Variants in MESD observed in about 807,000 individuals in gnomAD.
The protein encoded by MESD is mesoderm development LRP chaperone, also known as LRP chaperone MESD.
In MESD, 7 loss-of-function variants were observed where a neutral mutation model predicts 12.9. The ratio of observed to expected loss-of-function variants is 0.54; its 90% confidence interval spans 0.31 to 1.02. The LOEUF (loss-of-function observed/expected upper bound fraction) is 1.02, where lower values mean the gene tolerates loss of function less well. Ranked by LOEUF, MESD falls within the 50% of genes least tolerant of loss-of-function variation. The pLI is 0.05. For synonymous variants in MESD, 126 were observed against 115.6 expected, an observed-to-expected ratio of 1.09 and a Z score of -0.58; for missense variants, 342 against 296.7, an observed-to-expected ratio of 1.15 and a Z score of -1.12.
At chr15:80,962,410 C>T (rs1358188701) in intron 3 of MESD, among the ~76,000 whole-genome samples, 1 of 152,200 alleles carries the variant, frequency 6.6e-6, no homozygotes, top group Non-Finnish European at 1.5e-5. Flanking sequence ...TAACACGCCA[C>T]TGTCAATATT....
At chr15:80,980,545 CAA>C (rs1231113732) in intron 2 of MESD, among the ~76,000 whole-genome samples, 1 of 152,088 alleles carries the variant, frequency 6.6e-6, no homozygotes, top group African/African-American at 2.4e-5. Context: ...CTTTGTCCCT[CAA>C]AGAGTCTAAA....
At chr15:80,985,081 ATAACACACT>A (rs1902693148) in intron 1 of MESD, among the ~76,000 whole-genome samples, 1 of 152,216 alleles carries the variant, frequency 6.6e-6, no homozygotes, top group South Asian at 2.1e-4. Flanking sequence ...ATGACCACAC[ATAACACACT>A]AACCTTCTTT....
intron 4 of MESD, chr15:80,951,690 A>AG (rs1901837258): frequency 6.6e-6 from 1 of 152,580 alleles, no homozygotes. Context: ...ATTGCTTGGA[A>AG]GGGGTGTACC....
intron 4 of MESD, chr15:80,951,018 T>C (rs1035128696): frequency 2.6e-5 from 4 of 152,650 alleles, no homozygotes; most frequent in African/African-American, 7.2e-5. Flanking sequence ...GAGGTGACCA[T>C]AGGGCTCTGC....
chr15:80,963,401 CAA>C lies in MESD; in HGVS notation c.*289-11107_*289-11106del, dbSNP rs1044378045. ...TCACAGCCAAATTCTACCAGAGGTACAAAGAGGAGCTGGTACCATTCCTTCTG... is the reference window on the plus strand; with the variant it reads ...TCACAGCCAAATTCTACCAGAGGTACAGAGGAGCTGGTACCATTCCTTCTG... On this transcript the variant is annotated intron_variant, in intron 3 of 4. Transcript: ENST00000561312. 8.4e-4 allele frequency among the ~76,000 whole-genome samples: 128 copies of C among 152,276 alleles called. 1 individual carries two copies. Among genetic ancestry groups the C allele is most frequent in the African/African-American group, 3.0e-3 (125 of 41,548 alleles).
intron 4 of MESD, chr15:80,951,283 G>C (rs576700887): frequency 1.3e-5 from 2 of 152,738 alleles, no homozygotes; most frequent in South Asian, 4.1e-4. Flanking sequence ...AGTTCTCAGA[G>C]TTGTACATAT....
chr15:80,981,436 CAAAA>C (rs58445538), intron 2 of MESD, among the ~76,000 whole-genome samples: 1 of 48,444 alleles, frequency 2.1e-5, no homozygotes, highest in Non-Finnish European at 4.7e-5. Flanking sequence ...GACTCCGTCT[CAAAA>C]AAAAAAAAAA....
chr15:80,979,231 T>A lies in MESD; in HGVS notation c.693A>T (p.Arg231Ser). Residue 231 changes from arginine to serine, a missense_variant, in exon 3 of 3, where the codon AGA (arginine) becomes AGT (serine). Physicochemically the swap from Arg to Ser is moderately radical, Grantham distance 110 (BLOSUM62 -1). Coordinates refer to ENST00000261758, the MANE Select transcript of MESD (RefSeq NM_015154.3). ...SKEENRAGNK[R>S]EDL ...CACTGCTGCCCCATCACAGGTCTTC[T>A]CTTTTATTCCCAGCTCGATTTTCTT... 1 of 1,613,508 alleles carries A rather than the reference T, an allele frequency of 6.2e-7. No homozygotes were observed. The highest frequency in any genetic ancestry group is 8.5e-7 in the Non-Finnish European group (1 of 1,179,880).
At chr15:80,963,236 G>A (rs531279193) in intron 3 of MESD, among the ~76,000 whole-genome samples, 4 of 152,154 alleles carry the variant, frequency 2.6e-5, no homozygotes, top group Non-Finnish European at 5.9e-5. Context: ...TAGAAGAAAT[G>A]GATAAATTCC....
chr15:80,970,628 A>C (rs898144970), intron 3 of MESD: 1 of 152,140 alleles, frequency 6.6e-6, no homozygotes, highest in African/African-American at 2.4e-5. Context: ...TAACTCAGCC[A>C]CTCCTATTCT....
chr15:80,960,933 A>G (rs887963775), intron 3 of MESD, among the ~76,000 whole-genome samples: 3 of 152,146 alleles, frequency 2.0e-5, no homozygotes, highest in African/African-American at 7.2e-5. Flanking sequence ...GGGAGGAAGG[A>G]AAGTCCTGGG....
rs748005502 is a variant in MESD at position 80,979,205 on chromosome 15, T to C, written c.*14A>G. 2 of 1,609,850 alleles carry C rather than the reference T, an allele frequency of 1.2e-6. No homozygotes were observed. Among genetic ancestry groups the C allele is most frequent in the African/African-American group, 2.7e-5 (2 of 74,678 alleles). On this transcript the variant is annotated 3_prime_UTR_variant, in exon 3 of 3. Coordinates refer to ENST00000261758, the MANE Select transcript of MESD (RefSeq NM_015154.3). ...CGTCCACCTGTCCCCCCACAGCGCG[T>C]CACTGCTGCCCCATCACAGGTCTTC...
chr15:80,989,734 G>C lies in MESD; in HGVS notation c.58C>G (p.Leu20Val). Reference sequence around the variant, plus strand: ...GGTGGTAGCAGTAGCAGCAGCAGCAGCAGGTCAGAGGCACAAAGCAGGACC... The same window carrying C: ...GGTGGTAGCAGTAGCAGCAGCAGCACCAGGTCAGAGGCACAAAGCAGGACC... ...AVVLLCASDL[L>V]LLLLLLPPPG... Residue 20 changes from leucine to valine, a missense_variant, in exon 1 of 3, where the codon CTG becomes GTG. Transcript: ENST00000261758. 6.2e-7 allele frequency: 1 copy of C among 1,605,416 alleles called. No homozygotes were observed. The highest frequency in any genetic ancestry group is 8.5e-7 in the Non-Finnish European group (1 of 1,179,828).
chr15:80,974,223 G>A (rs190822005), downstream of MESD, among the ~76,000 whole-genome samples: 342 of 152,206 alleles, frequency 2.2e-3, 3 homozygotes, highest in African/African-American at 7.8e-3. Context: ...CTCCGCCCTG[G>A]AACTGCAGCT....
intron 3 of MESD, among the ~76,000 whole-genome samples, chr15:80,958,668 A>G (rs1902031118): frequency 6.6e-6 from 1 of 152,044 alleles, no homozygotes; most frequent in African/African-American, 2.4e-5. Context: ...ACACTCATCA[A>G]GGTGCTCTGC....
intron 1 of MESD, among the ~76,000 whole-genome samples, chr15:80,986,397 G>A (rs570497263): frequency 1.3e-5 from 2 of 152,270 alleles, no homozygotes; most frequent in African/African-American, 2.4e-5. Context: ...TTTTCAAACA[G>A]CTAGGAGAGA....
At chr15:80,989,541 A>G (rs1278007058) in intron 1 of MESD, 38 bp downstream of exon 1, 1 of 1,597,574 alleles carries the variant, frequency 6.3e-7, no homozygotes, top group Non-Finnish European at 8.6e-7. Flanking sequence ...AGGGTCCCGC[A>G]CAGAGAAGAG....
intron 3 of MESD, among the ~76,000 whole-genome samples, chr15:80,968,705 A>T (rs953327122): frequency 6.6e-6 from 1 of 152,160 alleles, no homozygotes; most frequent in Non-Finnish European, 1.5e-5. Flanking sequence ...TTGCTCATTT[A>T]ATCCTTATAA....
intron 2 of MESD, among the ~76,000 whole-genome samples, chr15:80,980,044 C>T (rs1465609377): frequency 2.6e-5 from 4 of 152,204 alleles, no homozygotes; most frequent in South Asian, 2.1e-4. Flanking sequence ...AGGAACAAAG[C>T]GGAAAGAATG....
Sources: gnomAD v4.1 joint callset for allele counts (sites outside exome capture counted in the v4.1 genomes callset) on GRCh38, gnomAD v4.1.1 for gene constraint, MANE v1.5 for transcripts, NCBI Gene and HGNC (gene_info 2026-07-23, HGNC 2026-07-21) for gene names.